LDB2: variants seen among roughly 807,000 people sequenced by gnomAD.
LDB2 encodes LIM domain-binding protein 2.
Under a neutral mutation model 44.3 loss-of-function variants are expected in LDB2, and 12 were observed. That is an observed-to-expected ratio of 0.27 (90% CI 0.17 to 0.44). The LOEUF is 0.44. Among genes scored for constraint, LDB2 ranks in the 20% least tolerant of loss-of-function variants. The pLI is 1.00. For synonymous variants in LDB2, 164 were observed against 174.8 expected (o/e 0.94, Z 0.49); for missense variants, 344 against 473.5 (o/e 0.73, Z 2.54).
chr4:16,526,551 A>G (rs985078009), intron 5 of LDB2, among the ~76,000 whole-genome samples: 3 of 152,234 alleles, frequency 2.0e-5, no homozygotes, highest in African/African-American at 7.2e-5. Context: ...CTATCTGTCT[A>G]TCATCTATCA....
rs114402159 is a variant in LDB2 at position 16,525,073 on chromosome 4, C to G, written c.616-12969G>C. On this transcript the variant is annotated intron_variant, in intron 5 of 7. Coordinates refer to ENST00000304523, the MANE Select transcript of LDB2 (RefSeq NM_001290.5). Reference sequence around the variant, plus strand: ...GACAGTTTCCAAGGAACATGACTATCTTGTTCATGCAGTTATAATCCCTTC... The same window carrying G: ...GACAGTTTCCAAGGAACATGACTATGTTGTTCATGCAGTTATAATCCCTTC... 1.8e-3 allele frequency among the ~76,000 whole-genome samples: 273 copies of G among 152,318 alleles called. 1 individual carries two copies. The highest frequency in any genetic ancestry group is 6.0e-3 in the African/African-American group (251 of 41,578).
At chr4:16,759,093 G>T in intron 2 of LDB2, 65 bp downstream of exon 2, 3 of 1,003,422 alleles carry the variant, frequency 3.0e-6, no homozygotes, top group Non-Finnish European at 4.8e-6. Context: ...ATTCTCTGAA[G>T]ACCCCTGCGG....
At chr4:16,522,711 G>A (rs1231414191) in intron 5 of LDB2, among the ~76,000 whole-genome samples, 1 of 152,134 alleles carries the variant, frequency 6.6e-6, no homozygotes. Flanking sequence ...TACAATGGAT[G>A]TCTAAAAAAT....
chr4:16,710,812 C>T (rs112222628), intron 2 of LDB2, among the ~76,000 whole-genome samples: 16 of 152,300 alleles, frequency 1.1e-4, no homozygotes, highest in African/African-American at 3.8e-4. Context: ...TTCCAGCCCA[C>T]TGTTTACTGC....
intron 2 of LDB2, among the ~76,000 whole-genome samples, chr4:16,732,980 C>G (rs1579156143): frequency 1.3e-5 from 2 of 152,320 alleles, no homozygotes; most frequent in Middle Eastern, 3.4e-3. Context: ...GCTGGGCCAG[C>G]TGCTGAGGTT....
intron 1 of LDB2, among the ~76,000 whole-genome samples, chr4:16,842,871 T>C (rs1786151682): frequency 6.6e-6 from 1 of 152,246 alleles, no homozygotes; most frequent in South Asian, 2.1e-4. Context: ...TGACTTGTGA[T>C]ATAGGGCTAC....
chr4:16,871,381 TTAA>T (rs1045125942), intron 1 of LDB2, among the ~76,000 whole-genome samples: 3 of 151,808 alleles, frequency 2.0e-5, no homozygotes, highest in Non-Finnish European at 4.4e-5. Context: ...TGCAAAAATG[TTAA>T]TAATATGAAT....
rs530971480 is a variant in LDB2 at position 16,782,716 on chromosome 4, T to C, written c.133-23456A>G. Among the ~76,000 whole-genome samples, 6 of 152,356 alleles carry C rather than the reference T, an allele frequency of 3.9e-5. No individual in the cohort carries two copies. In the South Asian group the frequency reaches 1.2e-3, roughly 32 times the overall value. ...ACAAACCCCAAGCAAGTTAGCATTTTATTTATTCATTCTACTGATATTATT... is the reference window on the plus strand; with the variant it reads ...ACAAACCCCAAGCAAGTTAGCATTTCATTTATTCATTCTACTGATATTATT... On this transcript the variant is annotated intron_variant, in intron 1 of 7. Transcript: ENST00000304523.
chr4:16,747,137 T>A (rs1254771378), intron 2 of LDB2, among the ~76,000 whole-genome samples: 2 of 152,228 alleles, frequency 1.3e-5, no homozygotes, highest in Non-Finnish European at 2.9e-5. Context: ...GCCTGCTTAC[T>A]CGGGGCTGGT....
chr4:16,835,091 A>T (rs1784683285), intron 1 of LDB2, among the ~76,000 whole-genome samples: 1 of 152,232 alleles, frequency 6.6e-6, no homozygotes, highest in African/African-American at 2.4e-5. Flanking sequence ...AGGAATTGCT[A>T]ATTACAGACA....
At chr4:16,812,412 C>T (rs1001475077) in intron 1 of LDB2, among the ~76,000 whole-genome samples, 13 of 152,044 alleles carry the variant, frequency 8.6e-5, no homozygotes, top group East Asian at 1.9e-4. Flanking sequence ...TTTTAACATA[C>T]GGTTGCTTGT....
At chr4:16,855,446 G>C (rs533245186) in intron 1 of LDB2, among the ~76,000 whole-genome samples, 20 of 152,154 alleles carry the variant, frequency 1.3e-4, no homozygotes, top group African/African-American at 4.6e-4. Context: ...ACCATACTAG[G>C]AAAAACACTT....
At chr4:16,700,143 C>T (rs1753129147) in intron 2 of LDB2, among the ~76,000 whole-genome samples, 1 of 152,146 alleles carries the variant, frequency 6.6e-6, no homozygotes, top group Non-Finnish European at 1.5e-5. Flanking sequence ...CACATCAGCA[C>T]TCAAAACATT....
chr4:16,726,824 A>G (rs1759586501), intron 2 of LDB2, among the ~76,000 whole-genome samples: 2 of 152,206 alleles, frequency 1.3e-5, no homozygotes, highest in Admixed American at 1.3e-4. Flanking sequence ...GCAGATGACA[A>G]AACAGTCCCA....
intron 1 of LDB2, among the ~76,000 whole-genome samples, chr4:16,884,029 C>T (rs1720941331): frequency 6.6e-6 from 1 of 152,218 alleles, no homozygotes; most frequent in Non-Finnish European, 1.5e-5. Flanking sequence ...CTGATTTCTT[C>T]CTCTCAGCAG....
At chr4:16,734,703 C>CTTTTTTTTT (rs539507998) in intron 2 of LDB2, among the ~76,000 whole-genome samples, 7 of 129,376 alleles carry the variant, frequency 5.4e-5, no homozygotes, top group South Asian at 2.5e-4. Context: ...TTCTTGTTTT[C>CTTTTTTTTT]TTTTTTTTTT....
rs149486998 is a variant in LDB2, at chr4:16,569,669, T to G, written c.615+16253A>C. On this transcript the variant is annotated intron_variant, in intron 5 of 7. Transcript: ENST00000304523. The stretch of plus-strand genomic sequence containing the variant: ...GGGTCAGCCTCCATCCCTCCATCCA[T>G]CCATCCATCCGTCCATCCATCCATC... Among the ~76,000 whole-genome samples the G allele has an allele frequency of 3.5e-3, 539 of 152,236 alleles. 6 individuals are homozygous for G. Among genetic ancestry groups the G allele is most frequent in the African/African-American group, 0.012 (512 of 41,558 alleles).
At chr4:16,555,949 G>A (rs1739423584) in intron 5 of LDB2, among the ~76,000 whole-genome samples, 1 of 152,060 alleles carries the variant, frequency 6.6e-6, no homozygotes, top group African/African-American at 2.4e-5. Context: ...TTTCTGCAAT[G>A]GAACCTCTGT....
chr4:16,642,644 G>T (rs1735521555), intron 2 of LDB2, among the ~76,000 whole-genome samples: 3 of 152,156 alleles, frequency 2.0e-5, no homozygotes. Flanking sequence ...CAATGACAGT[G>T]GCTCTCCAGG....
Sources: gnomAD v4.1 joint callset for allele counts (sites outside exome capture counted in the v4.1 genomes callset) on GRCh38, gnomAD v4.1.1 for gene constraint, MANE v1.5 for transcripts, NCBI Gene and HGNC (gene_info 2026-07-23, HGNC 2026-07-21) for gene names.